Variants in DENND5B observed in about 807,000 individuals in gnomAD.
DENND5B encodes the protein DENN domain-containing protein 5B.
In DENND5B, 34 loss-of-function variants were observed where a neutral mutation model predicts 140.6. That is an observed-to-expected ratio of 0.24 (90% CI 0.18 to 0.32). The LOEUF is 0.32. Among genes scored for constraint, DENND5B ranks in the 10% least tolerant of loss-of-function variants. DENND5B has a pLI of 1.00. For synonymous variants in DENND5B, 551 were observed against 562.1 expected (o/e 0.98, Z 0.28); for missense variants, 1,142 against 1,560.2 (o/e 0.73, Z 4.52).
chr12:31,433,093 G>A, intron 8 of DENND5B, 62 bp downstream of exon 8: 1 of 1,342,776 alleles, frequency 7.4e-7, no homozygotes, highest in Admixed American at 1.8e-5. Context: ...ACATCTGCTG[G>A]AAGGAATAAG....
At position 31,570,531 on chromosome 12, in the gene DENND5B, C is replaced by A. The variant is rs536343914; in HGVS notation, c.127+20175G>T. Among the ~76,000 whole-genome samples, 12 of 151,258 alleles carry A rather than the reference C, an allele frequency of 7.9e-5. No homozygotes were observed. In the South Asian group the frequency reaches 2.3e-3, roughly 29 times the overall value. On this transcript the variant is annotated intron_variant, in intron 1 of 20. Transcript: ENST00000389082. ...TGACCTCGTGATCCACCCGCCTCGG[C>A]CTCCCAAAGTGCTGGGATTACAGGC...
intron 1 of DENND5B, among the ~76,000 whole-genome samples, chr12:31,536,639 T>G (rs527349644): frequency 6.6e-6 from 1 of 150,948 alleles, no homozygotes; most frequent in Non-Finnish European, 1.5e-5. Context: ...GAAAAAGAGA[T>G]AGGAATAGAA....
chr12:31,512,598 TA>T (rs941830370), intron 1 of DENND5B, among the ~76,000 whole-genome samples: 15 of 152,184 alleles, frequency 9.9e-5, no homozygotes, highest in African/African-American at 3.4e-4. Context: ...ATTTGATACC[TA>T]CCTTATTTCA....
intron 1 of DENND5B, among the ~76,000 whole-genome samples, chr12:31,504,639 A>C (rs1476884692): frequency 6.6e-6 from 1 of 152,124 alleles, no homozygotes; most frequent in African/African-American, 2.4e-5. Context: ...CCAGTAAGTT[A>C]CCTCCTGCAC....
chr12:31,414,879 G>A (rs1942643059), intron 12 of DENND5B, among the ~76,000 whole-genome samples: 1 of 147,456 alleles, frequency 6.8e-6, no homozygotes, highest in Non-Finnish European at 1.5e-5. Context: ...CTGAGATCAC[G>A]ACACTGCACT....
intron 1 of DENND5B, chr12:31,499,661 T>A (rs1225155640): frequency 6.7e-7 from 1 of 1,499,338 alleles, no homozygotes; most frequent in African/African-American, 1.4e-5. Context: ...CTTCTAGCCA[T>A]TGGTACAAAA....
intron 1 of DENND5B, among the ~76,000 whole-genome samples, chr12:31,511,710 C>T (rs1464447259): frequency 2.0e-5 from 3 of 151,894 alleles, no homozygotes; most frequent in African/African-American, 7.3e-5. Flanking sequence ...ATCCTCAACA[C>T]CTACTTAATA....
intron 7 of DENND5B, among the ~76,000 whole-genome samples, chr12:31,439,884 C>A (rs112403722): frequency 0.14 from 17,167 of 126,120 alleles, 1,145 homozygotes; most frequent in East Asian, 0.3. Context: ...GAGCTGAGAT[C>A]GTACCATTGC....
intron 8 of DENND5B, 92 bp from the exon 9 acceptor site, chr12:31,426,516 A>G (rs1943243168): frequency 7.0e-7 from 1 of 1,437,560 alleles, no homozygotes; most frequent in African/African-American, 1.4e-5. Context: ...GACAAATGAA[A>G]TGCAAAAAAG....
At chr12:31,464,757 C>T (rs2682684) in intron 3 of DENND5B, among the ~76,000 whole-genome samples, 11,798 of 151,980 alleles carry the variant, frequency 0.078, 1,044 homozygotes, top group African/African-American at 0.22. Flanking sequence ...AAAGGGGTTT[C>T]GCCATGTTGG....
At chr12:31,523,103 G>C (rs1300260367) in intron 1 of DENND5B, among the ~76,000 whole-genome samples, 1 of 150,546 alleles carries the variant, frequency 6.6e-6, no homozygotes, top group East Asian at 1.9e-4. Flanking sequence ...CTGTCGCCCA[G>C]GCTGGAGTGC....
intron 5 of DENND5B, among the ~76,000 whole-genome samples, chr12:31,450,703 T>C (rs1944473546): frequency 6.6e-6 from 1 of 152,170 alleles, no homozygotes; most frequent in Non-Finnish European, 1.5e-5. Flanking sequence ...AATTCTCCAG[T>C]ACTGTAGATT....
chr12:31,424,468 C>T, intron 10 of DENND5B, 67 bp downstream of exon 10: 1 of 1,449,742 alleles, frequency 6.9e-7, no homozygotes. Flanking sequence ...ACATATTTGT[C>T]TCCTTGTTAC....
At chr12:31,476,541 G>A (rs1355360898) in intron 3 of DENND5B, among the ~76,000 whole-genome samples, 1 of 151,170 alleles carries the variant, frequency 6.6e-6, no homozygotes, top group Admixed American at 6.6e-5. Context: ...TCACACAGGA[G>A]GATTACCTAA....
intron 6 of DENND5B, among the ~76,000 whole-genome samples, chr12:31,447,185 C>T (rs1944312137): frequency 6.6e-6 from 1 of 151,720 alleles, no homozygotes. Flanking sequence ...GCAGGAGAAA[C>T]ATTTGAACCC....
intron 19 of DENND5B, among the ~76,000 whole-genome samples, 160 bp downstream of exon 19, chr12:31,392,107 C>T (rs1052132238): frequency 1.3e-5 from 2 of 151,000 alleles, no homozygotes; most frequent in Non-Finnish European, 2.9e-5. Context: ...CCACTGCACT[C>T]CAGCTTGGGC....
chr12:31,572,539 CAAAAAAA>C (rs10531167), intron 1 of DENND5B, among the ~76,000 whole-genome samples: 2 of 135,436 alleles, frequency 1.5e-5, no homozygotes, highest in African/African-American at 5.5e-5. Context: ...TACTCTTTCT[CAAAAAAA>C]AAAAAAAAAA....
chr12:31,395,340 T>A (rs1941382180), intron 17 of DENND5B, among the ~76,000 whole-genome samples: 1 of 152,214 alleles, frequency 6.6e-6, no homozygotes, highest in Non-Finnish European at 1.5e-5. Flanking sequence ...ACGCCTGCAA[T>A]CCCAGCACTC....
In DENND5B at chr12:31,452,421, A is replaced by G. The variant is rs1440755172; in HGVS notation, c.1148T>C (p.Phe383Ser). Residue 383 changes from phenylalanine to serine, a missense_variant, in exon 5 of 21, where the codon TTT becomes TCT. By Grantham distance (155) the Phe-to-Ser change is radical. This residue lies in a region of DENND5B where 708 missense variants were observed against 905.5 expected (regional missense o/e 0.78). Transcript: ENST00000389082. ...DNHFIELPEE[F>S]PQFPNKVDFI... ...ATCCACTTTATTGGGGAACTGTGGA[A>G]ATTCTTCAGGCAACTCAATAAAATG... 1 of 1,612,360 alleles carries G rather than the reference A, an allele frequency of 6.2e-7. No individual in the cohort carries two copies. Among genetic ancestry groups the G allele is most frequent in the African/African-American group, 1.3e-5 (1 of 74,846 alleles).
Sources: gnomAD v4.1 joint callset for allele counts (sites outside exome capture counted in the v4.1 genomes callset) on GRCh38, gnomAD v4.1.1 for gene constraint, gnomAD v4.1.1 regional missense constraint, MANE v1.5 for transcripts, NCBI Gene and HGNC (gene_info 2026-07-23, HGNC 2026-07-21) for gene names.